Variants in SLC26A7 observed in about 807,000 individuals in gnomAD.
The protein encoded by SLC26A7 is anion exchange transporter.
A neutral mutation model predicts 82.5 loss-of-function variants in SLC26A7; 59 were observed. The ratio of observed to expected loss-of-function variants is 0.72; its 90% CI spans 0.58 to 0.89. The LOEUF is 0.89. SLC26A7 is among the 40% of genes least tolerant of loss of function. SLC26A7 has a pLI of 0.00. For synonymous variants in SLC26A7, 271 were observed against 274.3 expected, an observed-to-expected ratio of 0.99 and a Z score of 0.12; for missense variants, 820 against 793.0, an observed-to-expected ratio of 1.03 and a Z score of -0.41.
At chr8:91,276,893 C>T (rs1811421933) in intron 2 of SLC26A7, among the ~76,000 whole-genome samples, 1 of 152,164 alleles carries the variant, frequency 6.6e-6, no homozygotes. Context: ...CTCTTCCTAA[C>T]CTGGGGGTCT....
intron 11 of SLC26A7, among the ~76,000 whole-genome samples, chr8:91,353,208 A>T (rs2130858163): frequency 6.6e-6 from 1 of 152,242 alleles, no homozygotes; most frequent in Middle Eastern, 3.4e-3. Flanking sequence ...TCAAATTTTG[A>T]TGAATGTATA....
chr8:91,390,774 C>T (rs977878723), intron 16 of SLC26A7, among the ~76,000 whole-genome samples: 2 of 152,142 alleles, frequency 1.3e-5, no homozygotes, highest in Admixed American at 1.3e-4. Flanking sequence ...TTTAATGGGT[C>T]CCCCTCATCA....
At chr8:91,248,921 C>T (rs1235507744), upstream of SLC26A7, among the ~76,000 whole-genome samples, 1 of 152,134 alleles carries the variant, frequency 6.6e-6, no homozygotes, top group African/African-American at 2.4e-5. Flanking sequence ...GAACTAGTTA[C>T]TCCTTTCCCA....
intron 9 of SLC26A7, 59 bp downstream of exon 9, chr8:91,343,525 G>A: frequency 2.6e-6 from 3 of 1,157,694 alleles, no homozygotes; most frequent in Non-Finnish European, 3.7e-6. Flanking sequence ...CATTCTAGGA[G>A]AGTGGGAAGA....
intron 2 of SLC26A7, among the ~76,000 whole-genome samples, chr8:91,220,959 A>G (rs1342966550): frequency 1.3e-5 from 2 of 151,916 alleles, no homozygotes; most frequent in Admixed American, 1.3e-4. Flanking sequence ...ACTAATTTAC[A>G]CTCCCAGCAA....
intron 2 of SLC26A7, among the ~76,000 whole-genome samples, chr8:91,250,537 G>A (rs980784656): frequency 6.6e-6 from 1 of 152,110 alleles, no homozygotes; most frequent in East Asian, 1.9e-4. Flanking sequence ...TAGTGTGCAT[G>A]TGTGTGTATT....
At chr8:91,239,404 A>ATG (rs1563639356) in intron 2 of SLC26A7, among the ~76,000 whole-genome samples, 1 of 102,168 alleles carries the variant, frequency 9.8e-6, no homozygotes, top group Non-Finnish European at 2.1e-5. Flanking sequence ...AAATATATAT[A>ATG]TATATATGTA....
chr8:91,332,491 T>TACACACACACACACAC (rs34306717), intron 5 of SLC26A7, among the ~76,000 whole-genome samples: 3 of 125,222 alleles, frequency 2.4e-5, no homozygotes, highest in Admixed American at 8.9e-5. Flanking sequence ...ATATATTTAA[T>TACACACACACACACAC]ACACACACAC....
chr8:91,326,041 A>G (rs552040722), intron 5 of SLC26A7, among the ~76,000 whole-genome samples: 9 of 152,204 alleles, frequency 5.9e-5, no homozygotes, highest in Non-Finnish European at 1.3e-4. Flanking sequence ...GCAGATATCA[A>G]CTATGCCTGA....
chr8:91,376,307 G>T (rs1303393312), intron 15 of SLC26A7, among the ~76,000 whole-genome samples: 1 of 152,182 alleles, frequency 6.6e-6, no homozygotes, highest in Admixed American at 6.5e-5. Flanking sequence ...TTTTTGTACT[G>T]CAGTAGTTCT....
In SLC26A7 at chr8:91,308,132, T is replaced by A. The variant is rs146961605; in HGVS notation, c.478-10084T>A. Among the ~76,000 whole-genome samples, 874 of 152,266 alleles carry A rather than the reference T, an allele frequency of 5.7e-3. 11 individuals are homozygous for A. The highest frequency in any genetic ancestry group is 0.041 in the South Asian group (197 of 4,828). On this transcript the variant is annotated intron_variant, in intron 4 of 18. Coordinates refer to ENST00000276609, the MANE Select transcript of SLC26A7 (RefSeq NM_052832.4). ...CTGAGACTTTTTAAATTTTTAATTATCTTGACACTTTTGAGGAGTACTGGT... is the reference window on the plus strand; with the variant it reads ...CTGAGACTTTTTAAATTTTTAATTAACTTGACACTTTTGAGGAGTACTGGT...
intron 12 of SLC26A7, among the ~76,000 whole-genome samples, chr8:91,363,239 T>A (rs1247956886): frequency 6.6e-6 from 1 of 152,052 alleles, no homozygotes; most frequent in African/African-American, 2.4e-5. Context: ...CTAATCCACA[T>A]CTAGTAGCTT....
chr8:91,240,094 AG>A (rs1388609729), intron 2 of SLC26A7, among the ~76,000 whole-genome samples: 1 of 152,176 alleles, frequency 6.6e-6, no homozygotes, highest in Non-Finnish European at 1.5e-5. Flanking sequence ...GACCTTGAAA[AG>A]TTGGCATTGA....
chr8:91,221,866 T>A (rs1381325481), intron 2 of SLC26A7, among the ~76,000 whole-genome samples: 1 of 151,914 alleles, frequency 6.6e-6, no homozygotes. Context: ...TCTTCTGTGA[T>A]TCCATATGAA....
chr8:91,220,016 C>T (rs1382888877), intron 2 of SLC26A7, among the ~76,000 whole-genome samples: 1 of 152,082 alleles, frequency 6.6e-6, no homozygotes, highest in Non-Finnish European at 1.5e-5. Context: ...ATCAGGTTAC[C>T]TTCCTAGCAA....
At chr8:91,322,421 A>C (rs971601149) in intron 5 of SLC26A7, among the ~76,000 whole-genome samples, 5 of 152,148 alleles carry the variant, frequency 3.3e-5, no homozygotes, top group Non-Finnish European at 5.9e-5. Flanking sequence ...TCAGAAGTTA[A>C]ATTGTTCTAT....
chr8:91,360,692 G>A (rs1051110241), intron 11 of SLC26A7, among the ~76,000 whole-genome samples: 19 of 152,102 alleles, frequency 1.2e-4, no homozygotes, highest in Admixed American at 1.1e-3. Flanking sequence ...GGTTTTTTAA[G>A]TGGCAGGGAC....
chr8:91,325,818 G>GTT (rs1474803339), intron 5 of SLC26A7, among the ~76,000 whole-genome samples: 2 of 152,326 alleles, frequency 1.3e-5, no homozygotes, highest in African/African-American at 4.8e-5. Flanking sequence ...ATGTGCACGT[G>GTT]TTTGTCTAGG....
intron 2 of SLC26A7, among the ~76,000 whole-genome samples, chr8:91,238,554 CAT>C (rs949796044): frequency 1.2e-4 from 18 of 148,304 alleles, no homozygotes; most frequent in Admixed American, 8.8e-4. Flanking sequence ...TTTATATATA[CAT>C]ATATATATAC....
Sources: allele counts gnomAD v4.1 joint callset (sites outside exome capture counted in the v4.1 genomes callset), GRCh38; gene constraint gnomAD v4.1.1; transcripts MANE v1.5; gene names NCBI Gene and HGNC (gene_info 2026-07-23, HGNC 2026-07-21).